MRPS9: variants seen among roughly 807,000 people sequenced by gnomAD.
The protein encoded by MRPS9 is mitochondrial ribosomal protein S9.
Under a neutral mutation model 59.9 loss-of-function variants are expected in MRPS9, and 45 were observed. The observed-to-expected ratio is 0.75, with a 90% confidence interval of 0.59 to 0.96. The LOEUF is 0.96. Ranked by LOEUF, MRPS9 falls within the 40% of genes least tolerant of loss-of-function variation. The pLI, the probability that MRPS9 is intolerant of heterozygous loss-of-function variation, is 0.00. For missense variants in MRPS9, 473 were observed against 481.1 expected, an observed-to-expected ratio of 0.98 and a Z score of 0.16; for synonymous variants, 171 against 166.8, an observed-to-expected ratio of 1.03 and a Z score of -0.19.
chr2:105,075,066 A>G (rs1461722147), intron 4 of MRPS9, among the ~76,000 whole-genome samples: 1 of 152,208 alleles, frequency 6.6e-6, no homozygotes, highest in Non-Finnish European at 1.5e-5. Context: ...AGACAGTGAC[A>G]GATCGTCAGG....
intron 10 of MRPS9, chr2:105,098,778 T>C (rs1295960760): frequency 6.6e-6 from 1 of 152,190 alleles, no homozygotes; most frequent in Non-Finnish European, 1.5e-5. Context: ...TTGTATACAG[T>C]AGGAGGAGTG....
chr2:105,079,943 GTA>G, intron 4 of MRPS9, 38 bp from the exon 5 acceptor site: 3 of 1,475,846 alleles, frequency 2.0e-6, no homozygotes, highest in East Asian at 2.3e-5. Flanking sequence ...CTGTCTCTGT[GTA>G]TATTTTTATT....
chr2:105,046,979 A>C (rs1012732039), intron 1 of MRPS9, among the ~76,000 whole-genome samples: 1 of 151,966 alleles, frequency 6.6e-6, no homozygotes, highest in Non-Finnish European at 1.5e-5. Context: ...GAAGACGTAG[A>C]CTCATAAAGA....
chr2:105,080,977 A>C (rs1680322248), intron 5 of MRPS9, among the ~76,000 whole-genome samples: 1 of 152,148 alleles, frequency 6.6e-6, no homozygotes, highest in Admixed American at 6.5e-5. Flanking sequence ...TTGCCCTGGC[A>C]GAAATGAAAT....
At position 105,054,669 on chromosome 2, in the gene MRPS9, T is replaced by C. The variant is rs1186596672; in HGVS notation, c.315+5319T>C. Among the ~76,000 whole-genome samples the C allele has an allele frequency of 6.3e-4, 24 of 38,124 alleles. 1 individual carries two copies. The highest frequency in any genetic ancestry group is 2.3e-3 in the African/African-American group (22 of 9,556). 25.0% of individuals were successfully genotyped at this position (38,124 alleles called of 152,430 possible). On this transcript the variant is annotated intron_variant, in intron 2 of 10. Transcript: ENST00000258455. ...ATAGCGGGCCCCTTTTGGTATCGCA[T>C]TTTATTAAATATAGCGGGCCCCTTT...
At chr2:105,093,408 T>G (rs986123290) in intron 8 of MRPS9, 122 bp from the exon 9 acceptor site, 3 of 474,528 alleles carry the variant, frequency 6.3e-6, no homozygotes, top group Admixed American at 8.2e-5. Context: ...ATAATAGTTA[T>G]AGGACTTGCT....
At chr2:105,046,794 T>C (rs1382175378) in intron 1 of MRPS9, among the ~76,000 whole-genome samples, 1 of 151,976 alleles carries the variant, frequency 6.6e-6, no homozygotes, top group Non-Finnish European at 1.5e-5. Context: ...TGTCATGTTA[T>C]CTATAAAAAC....
intron 2 of MRPS9, among the ~76,000 whole-genome samples, chr2:105,053,934 ACT>A (rs1679755367): frequency 6.6e-6 from 1 of 152,198 alleles, no homozygotes; most frequent in Non-Finnish European, 1.5e-5. Context: ...AAATATATAG[ACT>A]CTTCTAAAAT....
intron 1 of MRPS9, among the ~76,000 whole-genome samples, chr2:105,043,113 A>C (rs189183076): frequency 3.5e-4 from 53 of 152,302 alleles, no homozygotes; most frequent in Non-Finnish European, 5.1e-4. Context: ...ATTTCTTATC[A>C]TCTATTACCT....
intron 5 of MRPS9, among the ~76,000 whole-genome samples, chr2:105,087,294 G>A (rs560095328): frequency 6.6e-6 from 1 of 152,146 alleles, no homozygotes; most frequent in South Asian, 2.1e-4. Flanking sequence ...GTAGTTGTAG[G>A]GACATTTCCA....
At chr2:105,072,837 CTTA>C (rs59443183) in intron 4 of MRPS9, among the ~76,000 whole-genome samples, 9,703 of 152,140 alleles carry the variant, frequency 0.064, 387 homozygotes, top group East Asian at 0.18. Context: ...TAGTTTGAAT[CTTA>C]TTATAAATGT....
chr2:105,062,762 C>T (rs932543182), intron 2 of MRPS9, among the ~76,000 whole-genome samples: 2 of 152,154 alleles, frequency 1.3e-5, no homozygotes, highest in African/African-American at 4.8e-5. Flanking sequence ...TCCTCGGTTG[C>T]ACCAAGCACA....
intron 9 of MRPS9, 49 bp downstream of exon 9, chr2:105,093,687 A>G: frequency 1.1e-6 from 1 of 874,610 alleles, no homozygotes; most frequent in South Asian, 1.7e-5. Flanking sequence ...CATACTTTAT[A>G]ATACATCATG....
chr2:105,094,939 G>C (rs1003130484), intron 9 of MRPS9, among the ~76,000 whole-genome samples: 1 of 152,178 alleles, frequency 6.6e-6, no homozygotes, highest in Non-Finnish European at 1.5e-5. Flanking sequence ...GAATTCAGCA[G>C]CTTTTTACTA....
In MRPS9 at chr2:105,099,665, T is replaced by G; in HGVS notation, c.1100-5T>G. 1 of 1,613,562 alleles carries G rather than the reference T, an allele frequency of 6.2e-7. No homozygotes were observed. The highest frequency in any genetic ancestry group is 8.5e-7 in the Non-Finnish European group (1 of 1,179,780). On this transcript the variant is annotated splice_region_variant and splice_polypyrimidine_tract_variant and intron_variant, in intron 10 of 10. Transcript: ENST00000258455. ...TTCCTAAAGGCTTCTCTTTTTATGC[T>G]GCAGCTGGACTACTTACTACTGATC...
intron 9 of MRPS9, among the ~76,000 whole-genome samples, chr2:105,094,592 ATAAT>A (rs1680622645): frequency 6.6e-6 from 1 of 152,228 alleles, no homozygotes; most frequent in African/African-American, 2.4e-5. Flanking sequence ...TCTGGACACA[ATAAT>A]TATTTTAGGA....
intron 1 of MRPS9, among the ~76,000 whole-genome samples, chr2:105,043,609 T>C (rs946390295): frequency 6.6e-6 from 1 of 151,916 alleles, no homozygotes; most frequent in Admixed American, 6.6e-5. Context: ...TTTTCTTTCC[T>C]TTTTTTTAGA....
chr2:105,069,780 G>A (rs1055400698), intron 2 of MRPS9, among the ~76,000 whole-genome samples: 4 of 151,798 alleles, frequency 2.6e-5, no homozygotes, highest in Non-Finnish European at 5.9e-5. Context: ...GTAGGCCAAG[G>A]CAAGAAGATC....
chr2:105,039,076 C>T (rs565891675), intron 1 of MRPS9, among the ~76,000 whole-genome samples: 1 of 151,932 alleles, frequency 6.6e-6, no homozygotes, highest in South Asian at 2.1e-4. Flanking sequence ...AAATAAGAGG[C>T]CTCAAGAGAT....
Sources: gnomAD v4.1 joint callset for allele counts (sites outside exome capture counted in the v4.1 genomes callset) on GRCh38, gnomAD v4.1.1 for gene constraint, MANE v1.5 for transcripts, NCBI Gene and HGNC (gene_info 2026-07-23, HGNC 2026-07-21) for gene names.